Variants in SNRNP200 observed in about 807,000 individuals in gnomAD.
The protein encoded by SNRNP200 is U5 small nuclear ribonucleoprotein 200 kDa helicase.
Under a neutral mutation model 255.2 loss-of-function variants are expected in SNRNP200, and 66 were observed. That is an observed-to-expected ratio of 0.26 (90% confidence interval 0.21 to 0.32). SNRNP200 has a LOEUF of 0.32. Among genes scored for constraint, SNRNP200 ranks in the 10% least tolerant of loss-of-function variants. SNRNP200 has a pLI of 1.00. For synonymous variants in SNRNP200, 939 were observed against 1,027.8 expected (o/e 0.91, Z 1.65); for missense variants, 1,585 against 2,749.8 (o/e 0.58, Z 9.47).
chr2:96,294,042 T>C (rs1231677263), intron 14 of SNRNP200, among the ~76,000 whole-genome samples: 1 of 150,534 alleles, frequency 6.6e-6, no homozygotes, highest in Non-Finnish European at 1.5e-5. Flanking sequence ...CTGCTGCTGC[T>C]ATGACCCCAA....
Position 96,275,055 on chromosome 2 carries a change from C to T in SNRNP200, c.6368G>A (p.Ser2123Asn). The T allele has an allele frequency of 6.2e-7, 1 of 1,614,252 alleles. No individual in the cohort carries two copies. Among genetic ancestry groups the T allele is most frequent in the Non-Finnish European group, 8.5e-7 (1 of 1,180,048 alleles). Residue 2123 changes from serine (S) to asparagine (N), a missense_variant, in exon 45 of 45, where the codon AGC (serine) becomes AAC (asparagine). This residue lies in a region of SNRNP200 where 279 missense variants were observed against 551.2 expected (regional missense o/e 0.51). Coordinates refer to ENST00000323853, the MANE Select transcript of SNRNP200 (RefSeq NM_014014.5). ...TGTCTCAGCTTCTTTCACATCCACG[C>T]TGAATTTGTACTCCTGGTCACATCC... is the stretch of plus-strand genomic sequence containing the variant. ...YMGCDQEYKF[S>N]VDVKEAETDS...
At position 96,287,874 on chromosome 2, in the gene SNRNP200, G is replaced by A. The variant is rs376352502; in HGVS notation, c.3354C>T (p.Ile1118=). 7.4e-6 allele frequency: 12 copies of A among 1,613,978 alleles called. No homozygotes were observed. Among genetic ancestry groups the A allele is most frequent in the East Asian group, 6.7e-5 (3 of 44,900 alleles). The part of the protein sequence containing the change: ...TDKTLNLCKM[I]DKRMWQSMCP... ...CACTGGGTCCTTACATGCGTTTGTC[G>A]ATCATCTTGCAGAGGTTCAGGGTCT... is the stretch of plus-strand genomic sequence containing the variant. Residue 1118 remains isoleucine, a synonymous_variant, in exon 25 of 45, where the codon ATC becomes ATT. Transcript: ENST00000323853. The surrounding 1 kb of genome is among the most constrained non-coding windows in gnomAD (Gnocchi z 5.7).
chr2:96,290,885 T>C lies in SNRNP200; in HGVS notation c.2422-70A>G, dbSNP rs1288953319. 8 of 1,602,286 alleles carry C rather than the reference T, an allele frequency of 5.0e-6. No individual in the cohort carries two copies. In the East Asian group the frequency reaches 1.1e-4, roughly 22 times the overall value. On this transcript the variant is annotated intron_variant, in intron 18 of 44. Transcript: ENST00000323853. The surrounding 1 kb of genome is among the most constrained non-coding windows in gnomAD (Gnocchi z 4.5). ...CAGGGGTTAATATCCCTGGCTTCTC[T>C]AGGCAGTTGGCCTCAGAGCTTCTCT...
intron 1 of SNRNP200, 58 bp from the exon 2 acceptor site, chr2:96,304,926 C>A: frequency 6.3e-7 from 1 of 1,575,796 alleles, no homozygotes; most frequent in Non-Finnish European, 8.6e-7. Context: ...TTCCTACTAT[C>A]ATAGTTACCC....
intron 30 of SNRNP200, 186 bp from the exon 31 acceptor site, chr2:96,284,771 T>C: frequency 1.7e-6 from 1 of 604,190 alleles, no homozygotes; most frequent in Non-Finnish European, 2.9e-6. Context: ...TCTTTTGAGA[T>C]GAAGTCTCGC....
chr2:96,283,498 A>T lies in SNRNP200; in HGVS notation c.4763+37T>A, dbSNP rs377515065. On this transcript the variant is annotated intron_variant, in intron 33 of 44. Transcript: ENST00000323853. The surrounding 1 kb of genome is among the most constrained non-coding windows in gnomAD (Gnocchi z 4.7). Reference sequence around the variant, plus strand: ...CCTTGGAGTAGGCCAGCCTCACTTAACCTAACCCCAACCCCCAGACGCCAG... The same window carrying T: ...CCTTGGAGTAGGCCAGCCTCACTTATCCTAACCCCAACCCCCAGACGCCAG... 6.2e-7 allele frequency: 1 copy of T among 1,613,426 alleles called. No individual in the cohort carries two copies. The highest frequency in any genetic ancestry group is 1.3e-5 in the African/African-American group (1 of 74,748).
intron 43 of SNRNP200, 89 bp from the exon 44 acceptor site, chr2:96,275,438 C>T (rs187057815): frequency 8.1e-5 from 89 of 1,094,430 alleles, no homozygotes; most frequent in Non-Finnish European, 1.2e-4. Flanking sequence ...AAAGAGAGAA[C>T]AAAAATCAGA....
chr2:96,297,465 A>G lies in SNRNP200; in HGVS notation c.1275T>C (p.Asn425=). ...ATCCATCAGGAAGCTGACAGCGTTTATTGGCCATAAAGTGGCTCCCTTGGG... is the reference window on the plus strand; with the variant it reads ...ATCCATCAGGAAGCTGACAGCGTTTGTTGGCCATAAAGTGGCTCCCTTGGG... ...VFTQGSHFMA[N]KRCQLPDGSF... The change falls in exon 11 of 45, where the codon AAT becomes AAC. Residue 425 remains asparagine, a synonymous_variant. Transcript: ENST00000323853. The G allele has an allele frequency of 6.2e-7, 1 of 1,614,154 alleles. No homozygotes were observed. Among genetic ancestry groups the G allele is most frequent in the East Asian group, 2.2e-5 (1 of 44,882 alleles).
chr2:96,297,346 G>A lies in SNRNP200; in HGVS notation c.1377+17C>T. On this transcript the variant is annotated intron_variant, in intron 11 of 44. Coordinates refer to ENST00000323853, the MANE Select transcript of SNRNP200 (RefSeq NM_014014.5). The stretch of plus-strand genomic sequence containing the variant: ...GAGGTGAACTGAGCAGAGAACTGAA[G>A]AAAGCAATTCACTTACTTCTTCTGA... 6.2e-7 allele frequency: 1 copy of A among 1,612,762 alleles called. No homozygotes were observed. Among genetic ancestry groups the A allele is most frequent in the African/African-American group, 1.3e-5 (1 of 75,010 alleles).
Position 96,301,014 on chromosome 2 carries a change from A to G in SNRNP200, c.614T>C (p.Phe205Ser). Residue 205 changes from phenylalanine to serine, a missense_variant, in exon 5 of 45, where the codon TTT becomes TCT. This residue lies in a region of SNRNP200 where 383 missense variants were observed against 645.3 expected (regional missense o/e 0.59). Transcript: ENST00000323853. ...ATCACTCACCTCCTCATCAGACTCA[A>G]ACTGCACATTCACACCGTATGTCTC... ...IDETYGVNVQ[F>S]ESDEEEGDED... The G allele has an allele frequency of 6.2e-7, 1 of 1,614,004 alleles. No homozygotes were observed. The highest frequency in any genetic ancestry group is 8.5e-7 in the Non-Finnish European group (1 of 1,179,892).
Position 96,293,403 on chromosome 2 carries a change from C to T in SNRNP200, c.1949G>A (p.Gly650Asp). ...EMTQEDVRLIGLSATLPNYED... is the reference protein window; with the variant it reads ...EMTQEDVRLIDLSATLPNYED... ...ATAGTTGGGTAGGGTGGCACTGAGA[C>T]CAATGAGTCGGACATCCTCTTGGGT... is the stretch of plus-strand genomic sequence containing the variant. Residue 650 changes from glycine (G) to aspartate (D), a missense_variant, in exon 15 of 45, where the codon GGT becomes GAT. Coordinates refer to ENST00000323853, the MANE Select transcript of SNRNP200 (RefSeq NM_014014.5). The T allele has an allele frequency of 6.2e-7, 1 of 1,613,990 alleles. No homozygotes were observed. Among genetic ancestry groups the T allele is most frequent in the Non-Finnish European group, 8.5e-7 (1 of 1,180,016 alleles).
At position 96,277,161 on chromosome 2, in the gene SNRNP200, A is replaced by T. The variant is rs1237520862; in HGVS notation, c.6012T>A (p.Ile2004=). 3.7e-6 allele frequency: 6 copies of T among 1,614,128 alleles called. No homozygotes were observed. In the South Asian group the frequency reaches 5.5e-5, roughly 15 times the overall value. ...NALLQLTDSQ[I]ADVARFCNRY... is the part of the protein sequence containing the mutation. ...GGTTACAAAAGCGAGCCACATCTGC[A>T]ATCTGGCTGTCAGTCAGCTGAAGCA... The change falls in exon 42 of 45, where the codon ATT becomes ATA. Residue 2004 remains isoleucine, a synonymous_variant. Transcript: ENST00000323853. The surrounding 1 kb of genome is among the most constrained non-coding windows in gnomAD (Gnocchi z 4.4).
chr2:96,298,320 G>A lies in SNRNP200; in HGVS notation c.1083C>T (p.Tyr361=), dbSNP rs2063932157. Residue 361 remains tyrosine, a synonymous_variant, in exon 9 of 45, where the codon TAC becomes TAT. Transcript: ENST00000323853. Reference sequence around the variant, plus strand: ...CCTCCTTCTCGGTTTCATGAAGCTGGTAGAGGAACTTGGATAGCTCTGGGT... The same window carrying A: ...CCTCCTTCTCGGTTTCATGAAGCTGATAGAGGAACTTGGATAGCTCTGGGT... ...EADPELSKFL[Y]QLHETEKEDL... 2 of 1,614,212 alleles carry A rather than the reference G, an allele frequency of 1.2e-6. No homozygotes were observed. Among genetic ancestry groups the A allele is most frequent in the Middle Eastern group, 3.3e-4 (2 of 6,062 alleles).
chr2:96,283,918 C>A lies in SNRNP200; in HGVS notation c.4479G>T (p.Ser1493=), dbSNP rs199683761. 2 of 1,597,900 alleles carry A rather than the reference C, an allele frequency of 1.3e-6. No homozygotes were observed. Among genetic ancestry groups the A allele is most frequent in the Non-Finnish European group, 1.7e-6 (2 of 1,172,376 alleles). ...RPIRIVALSS[S]LSNAKDVAHW... ...GGGCCACATCCTTGGCATTGGAGAG[C>A]GAAGAGCTGAGTGCCACAATGCGAA... The change falls in exon 32 of 45, where the codon TCG becomes TCT. Residue 1493 remains serine (S), a synonymous_variant. Transcript: ENST00000323853. The surrounding 1 kb of genome is among the most constrained non-coding windows in gnomAD (Gnocchi z 4.7).
rs758362097 is a variant in SNRNP200, at chr2:96,283,399, G to A, written c.4764-47C>T. 1.9e-6 allele frequency: 3 copies of A among 1,613,740 alleles called. No individual in the cohort carries two copies. Among genetic ancestry groups the A allele is most frequent in the Non-Finnish European group, 2.5e-6 (3 of 1,179,950 alleles). On this transcript the variant is annotated intron_variant, in intron 33 of 44. Coordinates refer to ENST00000323853, the MANE Select transcript of SNRNP200 (RefSeq NM_014014.5). This position sits in a 1 kb window ranked among gnomAD's most constrained non-coding sequence, Gnocchi z 4.7. ...TCAGCTCAGAGTAGTTCAATTCCTG[G>A]CAGACACTTTGCCAGCTGTGCAGAA...
Position 96,301,030 on chromosome 2 carries a change from C to T in SNRNP200, c.598G>A (p.Gly200Ser). 8 of 1,613,792 alleles carry T rather than the reference C, an allele frequency of 5.0e-6. 1 individual carries two copies. The highest frequency in any genetic ancestry group is 6.8e-6 in the Non-Finnish European group (8 of 1,179,814). Residue 200 changes from glycine (G) to serine (S), a missense_variant, in exon 5 of 45, where the codon GGT (glycine) becomes AGT (serine). This residue lies in a region of SNRNP200 where 383 missense variants were observed against 645.3 expected (regional missense o/e 0.59). Coordinates refer to ENST00000323853, the MANE Select transcript of SNRNP200 (RefSeq NM_014014.5). ...TCAGACTCAAACTGCACATTCACAC[C>T]GTATGTCTCATCAATGTTGTCATCT... ...NMDDNIDETY[G>S]VNVQFESDEE...
intron 35 of SNRNP200, 85 bp from the exon 36 acceptor site, chr2:96,279,644 G>A (rs1684726597): frequency 1.7e-5 from 14 of 820,064 alleles, no homozygotes; most frequent in South Asian, 1.7e-4. Context: ...CGCCAAGTAA[G>A]AGTAAAATGT....
chr2:96,290,461 G>A lies in SNRNP200; in HGVS notation c.2607C>T (p.Leu869=). ...PQYDTKGEGI[L]ITSHGELQYY... is the part of the protein sequence containing the mutation. ...ACTGTAGCTCCCCATGAGATGTGATGAGTATGCCTTCACCCTTGGTGTCAT... is the reference window on the plus strand; with the variant it reads ...ACTGTAGCTCCCCATGAGATGTGATAAGTATGCCTTCACCCTTGGTGTCAT... The change falls in exon 20 of 45, where the codon CTC becomes CTT. Residue 869 remains leucine (L), a synonymous_variant. Coordinates refer to ENST00000323853, the MANE Select transcript of SNRNP200 (RefSeq NM_014014.5). The surrounding 1 kb of genome is among the most constrained non-coding windows in gnomAD (Gnocchi z 4.5). The A allele has an allele frequency of 3.7e-6, 6 of 1,614,226 alleles. No individual in the cohort carries two copies. Among genetic ancestry groups the A allele is most frequent in the Non-Finnish European group, 5.1e-6 (6 of 1,180,030 alleles).
intron 6 of SNRNP200, 31 bp downstream of exon 6, chr2:96,299,298 G>T: frequency 6.3e-7 from 1 of 1,590,962 alleles, no homozygotes. Flanking sequence ...AAGTAACCTT[G>T]TAGCAATGAG....
Sources: gnomAD v4.1 joint callset for allele counts (sites outside exome capture counted in the v4.1 genomes callset) on GRCh38, gnomAD v4.1.1 for gene constraint, gnomAD v4.1.1 regional missense constraint, Gnocchi (gnomAD v3.1) non-coding constraint, MANE v1.5 for transcripts, NCBI Gene and HGNC (gene_info 2026-07-23, HGNC 2026-07-21) for gene names.